Variants in TMEM52B observed in about 807,000 individuals in gnomAD.
The protein encoded by TMEM52B is chromosome 12 open reading frame 59.
Under a neutral mutation model 16.1 loss-of-function variants are expected in TMEM52B, and 11 were observed. That is an observed-to-expected ratio of 0.68 (90% CI 0.43 to 1.13). The LOEUF (loss-of-function observed/expected upper bound fraction) is 1.13. Ranked by LOEUF, TMEM52B falls within the 50% of genes most tolerant of loss-of-function variation. TMEM52B has a pLI of 0.00. For missense variants in TMEM52B, 243 were observed against 230.4 expected, an observed-to-expected ratio of 1.05 and a Z score of -0.35; for synonymous variants, 101 against 93.8, an observed-to-expected ratio of 1.08 and a Z score of -0.45.
At chr12:10,188,633 G>A (rs988573441) in intron 4 of TMEM52B, among the ~76,000 whole-genome samples, 2 of 152,020 alleles carry the variant, frequency 1.3e-5, no homozygotes, top group Non-Finnish European at 2.9e-5. Context: ...TTGGGAGGCC[G>A]AGGCAGGTGG....
intron 2 of TMEM52B, among the ~76,000 whole-genome samples, chr12:10,184,392 A>G (rs1321351424): frequency 6.6e-6 from 1 of 152,204 alleles, no homozygotes; most frequent in Non-Finnish European, 1.5e-5. Context: ...GTAGGTCAGA[A>G]GCACAGGCAA....
At position 10,179,516 on chromosome 12, in the gene TMEM52B, A is replaced by T; in HGVS notation, c.-59A>T. 2 of 1,571,748 alleles carry T rather than the reference A, an allele frequency of 1.3e-6. No homozygotes were observed. The highest frequency in any genetic ancestry group is 1.8e-6 in the Non-Finnish European group (2 of 1,141,280). Reference sequence around the variant, plus strand: ...CAAGAAGTAAAATATGGCACAGAGCATTGAAAGGAGGCAACGGATGCCCAG... The same window carrying T: ...CAAGAAGTAAAATATGGCACAGAGCTTTGAAAGGAGGCAACGGATGCCCAG... On this transcript the variant is annotated 5_prime_UTR_variant, in exon 1 of 5. Transcript: ENST00000543484.
intron 4 of TMEM52B, among the ~76,000 whole-genome samples, chr12:10,189,266 C>A (rs895935625): frequency 6.7e-6 from 1 of 149,560 alleles, no homozygotes; most frequent in Non-Finnish European, 1.5e-5. Flanking sequence ...TCTATAGTAT[C>A]GGGGGCTGGG....
At position 10,185,279 on chromosome 12, in the gene TMEM52B, A is replaced by G. The variant is rs752127498; in HGVS notation, c.99-51A>G. On this transcript the variant is annotated intron_variant, in intron 2 of 4. Coordinates refer to ENST00000543484, the MANE Select transcript of TMEM52B (RefSeq NM_001384896.1). ...TCATATTTCTGAGTCTGGAGTTATAACAGGGATTGACTATATTTTTAATGT... is the reference window on the plus strand; with the variant it reads ...TCATATTTCTGAGTCTGGAGTTATAGCAGGGATTGACTATATTTTTAATGT... 2.4e-6 allele frequency: 3 copies of G among 1,263,708 alleles called. No homozygotes were observed. In the South Asian group the frequency reaches 3.6e-5, roughly 15 times the overall value. The allele number at this position is 1,263,708 out of a possible 1,614,324, so 78.3% of individuals were successfully genotyped here. A position where few individuals can be genotyped will look rare whatever the true frequency, so the allele number is the denominator to read the frequency against.
intron 1 of TMEM52B, among the ~76,000 whole-genome samples, chr12:10,180,533 G>T (rs1948810870): frequency 6.6e-6 from 1 of 152,050 alleles, no homozygotes; most frequent in South Asian, 2.1e-4. Flanking sequence ...ATCGTTAGTG[G>T]CCATTTCTTT....
At chr12:10,188,048 G>A (rs1201084235) in intron 4 of TMEM52B, among the ~76,000 whole-genome samples, 4 of 152,136 alleles carry the variant, frequency 2.6e-5, no homozygotes, top group South Asian at 2.1e-4. Flanking sequence ...GAAGTGAGCC[G>A]AGATCGTGCC....
upstream of TMEM52B, among the ~76,000 whole-genome samples, chr12:10,175,983 C>A (rs1167410942): frequency 6.6e-6 from 1 of 152,184 alleles, no homozygotes; most frequent in Non-Finnish European, 1.5e-5. Flanking sequence ...AGGTGTAAAA[C>A]TCTATGTACA....
chr12:10,177,234 A>G (rs1948772710), upstream of TMEM52B, among the ~76,000 whole-genome samples: 2 of 152,166 alleles, frequency 1.3e-5, no homozygotes, highest in African/African-American at 4.8e-5. Flanking sequence ...TCCTAACCCC[A>G]GTTGCCTAAT....
Position 10,190,910 on chromosome 12 carries a change from G to C in TMEM52B, c.*770G>C, listed in dbSNP as rs1401773794. On this transcript the variant is annotated 3_prime_UTR_variant, in exon 5 of 5. Coordinates refer to ENST00000543484, the MANE Select transcript of TMEM52B (RefSeq NM_001384896.1). ...GCTTTACTTCTTTCCTGTTTTGCCT[G>C]GACCACTTAAAGCCACAACACCTCT... 1 of 152,212 alleles carries C rather than the reference G, an allele frequency of 6.6e-6. No individual in the cohort carries two copies. The highest frequency in any genetic ancestry group is 1.5e-5 in the Non-Finnish European group (1 of 68,104). The allele number at this position is 152,212 out of a possible 1,614,324, so 9.4% of individuals were successfully genotyped here.
At chr12:10,188,875 GGCGT>G (rs1948917630) in intron 4 of TMEM52B, among the ~76,000 whole-genome samples, 14 of 151,940 alleles carry the variant, frequency 9.2e-5, no homozygotes, top group Non-Finnish European at 1.5e-4. Flanking sequence ...AAATTAGCTC[GGCGT>G]GGTGGCGGGC....
Position 10,179,579 on chromosome 12 carries a change from G to A in TMEM52B, c.5G>A (p.Gly2Glu), listed in dbSNP as rs1291061819. M[G>E]VRVHVVAASA... ...AAGAAGCAGGAATTCAGCCCGATGG[G>A]AGTCCGAGTTCATGTCGTGGCGGCC... Residue 2 changes from glycine to glutamate, a missense_variant, in exon 1 of 5, where the codon GGA (glycine) becomes GAA (glutamate). Transcript: ENST00000543484. 1.2e-6 allele frequency: 2 copies of A among 1,614,090 alleles called. No homozygotes were observed. Among genetic ancestry groups the A allele is most frequent in the Non-Finnish European group, 1.7e-6 (2 of 1,180,046 alleles).
At chr12:10,175,076 T>C (rs866340791), upstream of TMEM52B, among the ~76,000 whole-genome samples, 1 of 152,156 alleles carries the variant, frequency 6.6e-6, no homozygotes, top group African/African-American at 2.4e-5. Context: ...TTTGAAAAAT[T>C]TTAGAGGGCT....
intron 4 of TMEM52B, among the ~76,000 whole-genome samples, chr12:10,189,178 G>T (rs1428285811): frequency 6.7e-6 from 1 of 149,104 alleles, no homozygotes; most frequent in Non-Finnish European, 1.5e-5. Context: ...ACTCCAACCT[G>T]GGTGACAGAG....
In TMEM52B at chr12:10,191,350, A is replaced by C. The variant is rs1948956391; in HGVS notation, c.*1210A>C. The C allele has an allele frequency of 6.6e-6, 1 of 151,836 alleles. No individual in the cohort carries two copies. The highest frequency in any genetic ancestry group is 6.6e-5 in the Admixed American group (1 of 15,204). The allele number at this position is 151,836 out of a possible 1,614,324, so 9.4% of individuals were successfully genotyped here. A position where few individuals can be genotyped will look rare whatever the true frequency, so the allele number is the denominator to read the frequency against. On this transcript the variant is annotated 3_prime_UTR_variant, in exon 5 of 5. Coordinates refer to ENST00000543484, the MANE Select transcript of TMEM52B (RefSeq NM_001384896.1). ...ATTCTTCTGCCTCAGCTTCCCGACT[A>C]GCTGGGATTACAGCTGCCTGCCACC...
upstream of TMEM52B, among the ~76,000 whole-genome samples, chr12:10,174,843 T>C (rs942906871): frequency 6.6e-6 from 1 of 152,222 alleles, no homozygotes; most frequent in African/African-American, 2.4e-5. Flanking sequence ...TATTTGTCCT[T>C]TTGTATCTAA....
chr12:10,184,318 T>C (rs1195874645), intron 2 of TMEM52B, among the ~76,000 whole-genome samples: 1 of 152,194 alleles, frequency 6.6e-6, no homozygotes, highest in Non-Finnish European at 1.5e-5. Context: ...CGGAGTTCTG[T>C]GAGCTGCTCT....
rs978689837 is a variant in TMEM52B at position 10,190,333 on chromosome 12, A to G, written c.*193A>G. On this transcript the variant is annotated 3_prime_UTR_variant, in exon 5 of 5. Transcript: ENST00000543484. Reference sequence around the variant, plus strand: ...ACAGAATGCTCTAATTGGGAACTCTAATTTTGTATCCAATGGCCAAAATCT... The same window carrying G: ...ACAGAATGCTCTAATTGGGAACTCTGATTTTGTATCCAATGGCCAAAATCT... The G allele has an allele frequency of 1.4e-6, 1 of 736,274 alleles. No individual in the cohort carries two copies. The highest frequency in any genetic ancestry group is 1.8e-5 in the African/African-American group (1 of 56,396). The allele number at this position is 736,274 out of a possible 1,614,324, so 45.6% of individuals were successfully genotyped here.
At chr12:10,175,948 G>C (rs929395131), upstream of TMEM52B, among the ~76,000 whole-genome samples, 1 of 152,212 alleles carries the variant, frequency 6.6e-6, no homozygotes, top group African/African-American at 2.4e-5. Flanking sequence ...TGTTACACCA[G>C]TTGTATAACA....
chr12:10,189,775 T>C (rs1565429371), intron 4 of TMEM52B, 121 bp from the exon 5 acceptor site: 5 of 1,373,978 alleles, frequency 3.6e-6, no homozygotes, highest in Non-Finnish European at 4.9e-6. Flanking sequence ...GGGCAAGGAG[T>C]GACAATGAGT....
Sources: gnomAD v4.1 joint callset for allele counts (sites outside exome capture counted in the v4.1 genomes callset) on GRCh38, gnomAD v4.1.1 for gene constraint, MANE v1.5 for transcripts, NCBI Gene and HGNC (gene_info 2026-07-23, HGNC 2026-07-21) for gene names.